ITGA10: variants seen among roughly 807,000 people sequenced by gnomAD.
ITGA10 encodes the protein integrin subunit alpha 10.
ITGA10 carries 105 observed loss-of-function variants against 145.2 expected under a neutral mutation model. The ratio of observed to expected loss-of-function variants is 0.72; its 90% CI spans 0.62 to 0.85. The LOEUF (loss-of-function observed/expected upper bound fraction) is 0.85, where lower values mean the gene tolerates loss of function less well. Among genes scored for constraint, ITGA10 ranks in the 40% least tolerant of loss-of-function variants. The pLI, the probability that ITGA10 is intolerant of heterozygous loss-of-function variation, is 0.00. For synonymous variants in ITGA10, 506 were observed against 557.8 expected (o/e 0.91, Z 1.31); for missense variants, 1,317 against 1,444.5 (o/e 0.91, Z 1.43).
intron 1 of ITGA10, 44 bp from the exon 2 acceptor site, chr1:145,907,509 C>T: frequency 1.2e-6 from 2 of 1,611,474 alleles, no homozygotes; most frequent in Non-Finnish European, 8.5e-7. Flanking sequence ...TAGTGAATGG[C>T]TAGAGGCACA....
chr1:145,895,683 T>C lies in ITGA10; in HGVS notation c.3062A>G (p.Glu1021Gly). ...TGGATGCACAGGTGGGCCTGGGGGT[T>C]CAGTCAGGTTCTGCACTATGCAGCT... The part of the protein sequence containing the change: ...NASCIVQNLT[E>G]PPGPPVHPEE... The change falls in exon 26 of 30, where the codon GAA (glutamate) becomes GGA (glycine). Residue 1021 changes from glutamate (E) to glycine (G), a missense_variant. By Grantham distance (98) the Glu-to-Gly change is moderately conservative. Coordinates refer to ENST00000369304, the MANE Select transcript of ITGA10 (RefSeq NM_003637.5). 1 of 1,614,230 alleles carries C rather than the reference T, an allele frequency of 6.2e-7. No homozygotes were observed. The highest frequency in any genetic ancestry group is 8.5e-7 in the Non-Finnish European group (1 of 1,180,030).
In ITGA10 at chr1:145,897,507, G is replaced by C; in HGVS notation, c.2574+5C>G. 2 of 1,613,908 alleles carry C rather than the reference G, an allele frequency of 1.2e-6. No homozygotes were observed. Among genetic ancestry groups the C allele is most frequent in the Non-Finnish European group, 1.7e-6 (2 of 1,179,890 alleles). On this transcript the variant is annotated splice_donor_5th_base_variant and intron_variant, in intron 20 of 29. Transcript: ENST00000369304. ...CTTCTCCCACACCCCCTCCTCCAAA[G>C]GCACCTGAGGAGTGAGACTGGCCAG...
chr1:145,900,345 G>A (rs587615588), intron 14 of ITGA10, among the ~76,000 whole-genome samples, 158 bp from the exon 15 acceptor site: 1 of 152,254 alleles, frequency 6.6e-6, no homozygotes, highest in Admixed American at 6.5e-5. Context: ...TTGGCTCACT[G>A]CAACCTCCGC....
chr1:145,904,875 A>C, intron 5 of ITGA10, 64 bp from the exon 6 acceptor site: 7 of 1,532,210 alleles, frequency 4.6e-6, no homozygotes, highest in Non-Finnish European at 6.3e-6. Flanking sequence ...GAAAGAGGTC[A>C]CAGGAGGACA....
intron 28 of ITGA10, 89 bp downstream of exon 28, chr1:145,893,451 G>T: frequency 9.5e-7 from 1 of 1,051,506 alleles, no homozygotes; most frequent in South Asian, 1.4e-5. Flanking sequence ...TGATGGAGAT[G>T]CCTTCGTTCT....
At chr1:145,902,169 G>C in intron 10 of ITGA10, 77 bp downstream of exon 10, 14 of 1,567,820 alleles carry the variant, frequency 8.9e-6, no homozygotes, top group Non-Finnish European at 1.2e-5. Flanking sequence ...GTTAAAGGAG[G>C]AATCTGGAGG....
chr1:145,907,831 G>T (rs1209639431), intron 1 of ITGA10, among the ~76,000 whole-genome samples: 1 of 138,606 alleles, frequency 7.2e-6, no homozygotes, highest in Non-Finnish European at 1.5e-5. Context: ...GTGCAGTGGC[G>T]TGATCTCGGC....
chr1:145,907,014 G>C (rs782663971), intron 3 of ITGA10, 27 bp downstream of exon 3: 11 of 1,462,160 alleles, frequency 7.5e-6, no homozygotes, highest in South Asian at 1.3e-5. Context: ...CAGGGGTTAG[G>C]AGGAGAAGGG....
At chr1:145,902,419 T>G (rs1224999759) in intron 9 of ITGA10, 35 bp downstream of exon 9, 13 of 1,609,364 alleles carry the variant, frequency 8.1e-6, no homozygotes, top group Non-Finnish European at 1.1e-5. Flanking sequence ...CCAGAACTTC[T>G]CCCGCCCTGT....
rs1377050423 is a variant in ITGA10, at chr1:145,895,698, A to G, written c.3047T>C (p.Val1016Ala). ...QVITNNASCI[V>A]QNLTEPPGPP... Reference sequence around the variant, plus strand: ...GCCTGGGGGTTCAGTCAGGTTCTGCACTATGCAGCTTGCCTAGAGGAAGAT... The same window carrying G: ...GCCTGGGGGTTCAGTCAGGTTCTGCGCTATGCAGCTTGCCTAGAGGAAGAT... Residue 1016 changes from valine to alanine, a missense_variant, in exon 26 of 30, where the codon GTG becomes GCG. Transcript: ENST00000369304. The G allele has an allele frequency of 6.2e-7, 1 of 1,614,114 alleles. No homozygotes were observed. The highest frequency in any genetic ancestry group is 1.3e-5 in the African/African-American group (1 of 74,944).
rs1655465836 is a variant in ITGA10, at chr1:145,896,756, A to G, written c.2834+13T>C. 4 of 1,603,390 alleles carry G rather than the reference A, an allele frequency of 2.5e-6. No homozygotes were observed. The highest frequency in any genetic ancestry group is 2.7e-5 in the African/African-American group (2 of 74,676). ...AGGTCAGAACTGGGTCCCACCCTAG[A>G]AGCTGGGCATACCTAGAGAACAGGA... On this transcript the variant is annotated intron_variant, in intron 23 of 29. Transcript: ENST00000369304.
At chr1:145,909,505 TTATA>T (rs1553752515) in intron 1 of ITGA10, among the ~76,000 whole-genome samples, 1 of 135,374 alleles carries the variant, frequency 7.4e-6, no homozygotes, top group Non-Finnish European at 1.5e-5. Context: ...TATAATTATG[TTATA>T]TATTATATGT....
At chr1:145,900,353 C>T (rs1433696330) in intron 14 of ITGA10, among the ~76,000 whole-genome samples, 166 bp from the exon 15 acceptor site, 4 of 152,060 alleles carry the variant, frequency 2.6e-5, no homozygotes, top group African/African-American at 9.7e-5. Flanking sequence ...CTGCAACCTC[C>T]GCCTCCCAGG....
intron 15 of ITGA10, 60 bp downstream of exon 15, chr1:145,899,997 G>A (rs782279809): frequency 3.0e-5 from 45 of 1,518,610 alleles, no homozygotes; most frequent in Non-Finnish European, 3.6e-5. Context: ...TGACTTTAAG[G>A]CCCTTGCCTT....
At chr1:145,902,394 A>G in intron 9 of ITGA10, 60 bp downstream of exon 9, 2 of 1,609,198 alleles carry the variant, frequency 1.2e-6, no homozygotes, top group East Asian at 2.2e-5. Context: ...CTCACTCCAG[A>G]GCCCCACCTA....
chr1:145,892,842 T>A lies in ITGA10; in HGVS notation c.3460A>T (p.Lys1154Ter), dbSNP rs1553743651. ...LWKLGFFAHK[K>*]IPEEEKREEK... The stretch of plus-strand genomic sequence containing the variant: ...TCTCTTTTTTCTTCCTCAGGGATTT[T>A]CTTATGGGCAAAGAAGCCAAGCTGT... The change falls in exon 30 of 30, where the codon AAA (lysine) becomes TAA (stop). Residue 1154 changes from lysine to a stop codon, truncating the protein, a stop_gained. Coordinates refer to ENST00000369304, the MANE Select transcript of ITGA10 (RefSeq NM_003637.5). LOFTEE classifies it high-confidence loss of function. 1 of 1,614,002 alleles carries A rather than the reference T, an allele frequency of 6.2e-7. No individual in the cohort carries two copies. Among genetic ancestry groups the A allele is most frequent in the Admixed American group, 1.7e-5 (1 of 60,030 alleles).
chr1:145,893,130 G>T, intron 29 of ITGA10, 31 bp downstream of exon 29: 1 of 1,481,604 alleles, frequency 6.7e-7, no homozygotes, highest in Non-Finnish European at 9.4e-7. Flanking sequence ...TGGGCATCAT[G>T]CTCCACACTC....
chr1:145,904,544 T>G, intron 6 of ITGA10, 140 bp downstream of exon 6: 2 of 897,708 alleles, frequency 2.2e-6, no homozygotes, highest in Non-Finnish European at 1.7e-6. Context: ...ATTTTTTTTT[T>G]CTTTCATATT....
intron 25 of ITGA10, 120 bp from the exon 26 acceptor site, chr1:145,895,831 C>A: frequency 9.5e-7 from 1 of 1,053,902 alleles, no homozygotes; most frequent in Non-Finnish European, 1.4e-6. Context: ...TTTCTTCTCT[C>A]TAATAAGCCA....
Sources: allele counts gnomAD v4.1 joint callset (sites outside exome capture counted in the v4.1 genomes callset), GRCh38; gene constraint gnomAD v4.1.1; transcripts MANE v1.5; gene names NCBI Gene and HGNC (gene_info 2026-07-23, HGNC 2026-07-21).